Variants in PSEN2 observed in about 807,000 individuals in gnomAD.
The protein encoded by PSEN2 is presenilin-2.
PSEN2 carries 32 observed loss-of-function variants against 49.1 expected under a neutral mutation model. The ratio of observed to expected loss-of-function variants is 0.65; its 90% CI spans 0.49 to 0.88. The LOEUF is 0.88. Among genes scored for constraint, PSEN2 ranks in the 40% least tolerant of loss-of-function variants. The pLI, the probability that PSEN2 is intolerant of heterozygous loss-of-function variation, is 0.00. For missense variants in PSEN2, 522 were observed against 586.9 expected, an observed-to-expected ratio of 0.89 and a Z score of 1.14; for synonymous variants, 255 against 244.0, an observed-to-expected ratio of 1.05 and a Z score of -0.42.
chr1:226,887,810 AC>A (rs1369797542), intron 6 of PSEN2, among the ~76,000 whole-genome samples: 1 of 152,160 alleles, frequency 6.6e-6, no homozygotes, highest in African/African-American at 2.4e-5. Flanking sequence ...ACCCAGCATT[AC>A]CTTTCTAAGT....
Position 226,885,648 on chromosome 1 carries a change from T to G in PSEN2, c.467T>G (p.Leu156Trp), listed in dbSNP as rs756296193. 1 of 1,610,998 alleles carries G rather than the reference T, an allele frequency of 6.2e-7. No individual in the cohort carries two copies. The highest frequency in any genetic ancestry group is 8.5e-7 in the Non-Finnish European group (1 of 1,179,982). The change falls in exon 6 of 13, where the codon TTG becomes TGG. Residue 156 changes from leucine (L) to tryptophan (W), a missense_variant. By Grantham distance (61) the Leu-to-Trp change is moderately conservative (BLOSUM62 -2). Coordinates refer to ENST00000366783, the MANE Select transcript of PSEN2 (RefSeq NM_000447.3). ...ISVIVVMTIF[L>W]VVLYKYRCYK... ...GTCATCGTGGTTATGACCATCTTCT[T>G]GGTGGTGCTCTACAAGTACCGCTGC...
intron 3 of PSEN2, among the ~76,000 whole-genome samples, chr1:226,877,543 C>T (rs1380295921): frequency 6.6e-6 from 1 of 152,166 alleles, no homozygotes; most frequent in Non-Finnish European, 1.5e-5. Flanking sequence ...CACCTGTCAC[C>T]CCCACCCCAC....
At chr1:226,887,677 G>T (rs1661450297) in intron 6 of PSEN2, among the ~76,000 whole-genome samples, 1 of 152,132 alleles carries the variant, frequency 6.6e-6, no homozygotes, top group African/African-American at 2.4e-5. Context: ...ATTACCTGCT[G>T]ATATACTGTA....
chr1:226,889,352 C>G (rs971961891), intron 8 of PSEN2, among the ~76,000 whole-genome samples: 1 of 152,068 alleles, frequency 6.6e-6, no homozygotes, highest in Non-Finnish European at 1.5e-5. Flanking sequence ...TCTTGGCTGA[C>G]TGCAACCTCC....
chr1:226,881,323 C>G (rs932809790), intron 3 of PSEN2, among the ~76,000 whole-genome samples: 1 of 152,224 alleles, frequency 6.6e-6, no homozygotes, highest in African/African-American at 2.4e-5. Context: ...GAGGCCCTCA[C>G]TGGAACATTG....
At chr1:226,874,648 A>G (rs956543798) in intron 2 of PSEN2, among the ~76,000 whole-genome samples, 3 of 151,974 alleles carry the variant, frequency 2.0e-5, no homozygotes, top group African/African-American at 7.3e-5. Flanking sequence ...TCCCTCCTCC[A>G]TTTCATCTTC....
Position 226,875,461 on chromosome 1 carries a change from A to C in PSEN2, c.-110A>C, listed in dbSNP as rs1012229220. On this transcript the variant is annotated 5_prime_UTR_variant, in exon 3 of 13. Coordinates refer to ENST00000366783, the MANE Select transcript of PSEN2 (RefSeq NM_000447.3). ...TTAAAAACCAGCGCTGCCCTCTTTG[A>C]AAGCCAGGGAGCATCATTCATTTAG... 6.6e-6 allele frequency: 1 copy of C among 152,188 alleles called. No individual in the cohort carries two copies. The highest frequency in any genetic ancestry group is 1.5e-5 in the Non-Finnish European group (1 of 68,040). The allele number at this position is 152,188 out of a possible 1,614,324, so 9.4% of individuals were successfully genotyped here.
chr1:226,871,715 A>G (rs894350776), intron 2 of PSEN2, among the ~76,000 whole-genome samples: 1 of 152,214 alleles, frequency 6.6e-6, no homozygotes, highest in Non-Finnish European at 1.5e-5. Flanking sequence ...TCTGTAGCCA[A>G]TTCTGCAGAC....
At chr1:226,885,477 G>T in intron 5 of PSEN2, 61 bp from the exon 6 acceptor site, 1 of 1,591,298 alleles carries the variant, frequency 6.3e-7, no homozygotes. Context: ...AATCACTCAA[G>T]GTGGGGAGCC....
At chr1:226,893,732 G>A (rs1661912042) in intron 11 of PSEN2, among the ~76,000 whole-genome samples, 1 of 152,156 alleles carries the variant, frequency 6.6e-6, no homozygotes, top group Non-Finnish European at 1.5e-5. Context: ...TACTCTCTAA[G>A]TGCCCAACAC....
chr1:226,876,412 G>C (rs1660630965), intron 3 of PSEN2, among the ~76,000 whole-genome samples: 2 of 152,220 alleles, frequency 1.3e-5, no homozygotes, highest in Admixed American at 6.5e-5. Context: ...TGGCCAATGA[G>C]AGGGGATCTG....
downstream of PSEN2, chr1:226,898,121 T>G (rs1444849851): frequency 6.6e-6 from 1 of 152,162 alleles, no homozygotes; most frequent in African/African-American, 2.4e-5. Context: ...CATGCCTGGC[T>G]AATTTTGTAT....
intron 9 of PSEN2, 70 bp downstream of exon 9, chr1:226,890,203 C>T (rs1661653559): frequency 6.8e-6 from 9 of 1,323,356 alleles, no homozygotes; most frequent in Admixed American, 1.7e-5. Flanking sequence ...CAGGGGCCTG[C>T]TTCCTGGCCG....
At chr1:226,879,129 C>G (rs1239459697) in intron 3 of PSEN2, among the ~76,000 whole-genome samples, 1 of 152,226 alleles carries the variant, frequency 6.6e-6, no homozygotes, top group Non-Finnish European at 1.5e-5. Context: ...GCCTCAGCCT[C>G]CCAAACTGTT....
chr1:226,884,123 A>G lies in PSEN2; in HGVS notation c.356+204A>G, dbSNP rs1221998776. 2.6e-5 allele frequency among the ~76,000 whole-genome samples: 4 copies of G among 152,324 alleles called. No individual in the cohort carries two copies. The East Asian group carries it at 7.7e-4, about 29-fold the overall frequency. On this transcript the variant is annotated intron_variant, in intron 5 of 12. Transcript: ENST00000366783. Reference sequence around the variant, plus strand: ...ACTTGGGCATGCTTTTAACATCCCTATGCCTCAGCTTCCTTGTTCGTATAA... The same window carrying G: ...ACTTGGGCATGCTTTTAACATCCCTGTGCCTCAGCTTCCTTGTTCGTATAA...
chr1:226,885,707 A>G (rs770519379), intron 6 of PSEN2, 28 bp downstream of exon 6: 2 of 1,602,602 alleles, frequency 1.2e-6, no homozygotes, highest in South Asian at 2.2e-5. Context: ...CCCTCCAGCC[A>G]CGCTTCTCTC....
chr1:226,889,784 T>C (rs1661614583), intron 8 of PSEN2, among the ~76,000 whole-genome samples: 1 of 152,240 alleles, frequency 6.6e-6, no homozygotes, highest in South Asian at 2.1e-4. Context: ...CTCAGAGAAG[T>C]GGGACTCCCC....
chr1:226,870,985 G>C (rs1245305110), intron 1 of PSEN2: 5 of 152,382 alleles, frequency 3.3e-5, no homozygotes, highest in African/African-American at 1.2e-4. Context: ...CCCGGCTGGG[G>C]GTGGGCGCGG....
intron 12 of PSEN2, chr1:226,903,470 G>A (rs1312662849): frequency 6.6e-6 from 1 of 152,098 alleles, no homozygotes; most frequent in East Asian, 1.9e-4. Flanking sequence ...GGAATAAAAT[G>A]CTCATTAACC....
Sources: allele counts gnomAD v4.1 joint callset (sites outside exome capture counted in the v4.1 genomes callset), GRCh38; gene constraint gnomAD v4.1.1; transcripts MANE v1.5; gene names NCBI Gene and HGNC (gene_info 2026-07-23, HGNC 2026-07-21).